Variants in MAP3K7CL observed in about 807,000 individuals in gnomAD.
MAP3K7CL encodes MAP3K7 C-terminal-like protein.
In MAP3K7CL, 16 loss-of-function variants were observed where a neutral mutation model predicts 18.6. The ratio of observed to expected loss-of-function variants is 0.86; its 90% CI spans 0.58 to 1.31. MAP3K7CL has a LOEUF of 1.31. MAP3K7CL is among the 50% of genes most tolerant of loss of function. MAP3K7CL has a pLI of 0.00. For synonymous variants in MAP3K7CL, 65 were observed against 66.8 expected, an observed-to-expected ratio of 0.97 and a Z score of 0.13; for missense variants, 163 against 174.4, an observed-to-expected ratio of 0.93 and a Z score of 0.37.
intron 4 of MAP3K7CL, among the ~76,000 whole-genome samples, chr21:29,107,095 A>T (rs1312926930): frequency 1.7e-4 from 26 of 152,128 alleles, no homozygotes; most frequent in Admixed American, 1.7e-3. Context: ...AGGCGGGTGG[A>T]TCATGAGGTC....
At chr21:29,122,550 G>T (rs2086612527) in intron 4 of MAP3K7CL, among the ~76,000 whole-genome samples, 1 of 152,194 alleles carries the variant, frequency 6.6e-6, no homozygotes, top group African/African-American at 2.4e-5. Flanking sequence ...CGGGAACGTG[G>T]TCTTCCCCTG....
chr21:29,157,366 A>G (rs564648787), intron 3 of MAP3K7CL, among the ~76,000 whole-genome samples: 1 of 152,204 alleles, frequency 6.6e-6, no homozygotes, highest in Non-Finnish European at 1.5e-5. Context: ...TACTTAAAAA[A>G]TAGAAATCTA....
intron 4 of MAP3K7CL, among the ~76,000 whole-genome samples, chr21:29,165,373 G>T (rs1356029332): frequency 6.6e-6 from 1 of 151,928 alleles, no homozygotes; most frequent in Non-Finnish European, 1.5e-5. Flanking sequence ...GGCACAGGTG[G>T]TGCTTGGTTA....
chr21:29,116,973 T>A (rs1398977938), intron 4 of MAP3K7CL, among the ~76,000 whole-genome samples: 1 of 152,210 alleles, frequency 6.6e-6, no homozygotes, highest in South Asian at 2.1e-4. Context: ...TTAGATTAAT[T>A]TGGCAACTGG....
chr21:29,147,218 T>C (rs1440876361), intron 2 of MAP3K7CL, among the ~76,000 whole-genome samples: 1 of 152,094 alleles, frequency 6.6e-6, no homozygotes, highest in Non-Finnish European at 1.5e-5. Flanking sequence ...TAAATGTATA[T>C]ATGTATAGGT....
chr21:29,092,375 C>T (rs2086043358), intron 3 of MAP3K7CL: 2 of 1,580,396 alleles, frequency 1.3e-6, no homozygotes, highest in Admixed American at 3.4e-5. Flanking sequence ...GAACTGACAT[C>T]AAAAGGTCTG....
intron 3 of MAP3K7CL, among the ~76,000 whole-genome samples, chr21:29,154,166 G>A (rs1442850240): frequency 3.3e-5 from 5 of 151,998 alleles, no homozygotes; most frequent in Admixed American, 6.6e-5. Flanking sequence ...AATTAAATAC[G>A]GTAATGAGTA....
At chr21:29,084,170 G>A (rs536655759), upstream of MAP3K7CL, among the ~76,000 whole-genome samples, 1 of 151,224 alleles carries the variant, frequency 6.6e-6, no homozygotes, top group African/African-American at 2.4e-5. Context: ...GAATAATTTT[G>A]TTTTTTACTT....
intron 4 of MAP3K7CL, among the ~76,000 whole-genome samples, chr21:29,116,046 T>C (rs1238814251): frequency 6.6e-6 from 1 of 152,242 alleles, no homozygotes; most frequent in South Asian, 2.1e-4. Context: ...ATGTATACTC[T>C]AGTGGTTTCT....
intron 4 of MAP3K7CL, among the ~76,000 whole-genome samples, chr21:29,162,277 A>G (rs1437738331): frequency 1.3e-5 from 2 of 151,294 alleles, no homozygotes; most frequent in Non-Finnish European, 2.9e-5. Flanking sequence ...AAGGTACTGG[A>G]GGACTTTGTT....
chr21:29,099,812 A>G (rs923611414), intron 4 of MAP3K7CL, among the ~76,000 whole-genome samples: 2 of 152,046 alleles, frequency 1.3e-5, no homozygotes, highest in Admixed American at 1.3e-4. Context: ...GGCCGGGCGC[A>G]GTGGCTCACG....
At chr21:29,092,115 A>G in intron 3 of MAP3K7CL, 1 of 372,472 alleles carries the variant, frequency 2.7e-6, no homozygotes. Flanking sequence ...GATGTTGGTA[A>G]AGGGTAGAAT....
chr21:29,095,395 T>C (rs1247041905), intron 4 of MAP3K7CL, among the ~76,000 whole-genome samples: 3 of 152,176 alleles, frequency 2.0e-5, no homozygotes, highest in Non-Finnish European at 4.4e-5. Flanking sequence ...TTGCCTGTTC[T>C]GCATGTCATC....
chr21:29,134,661 G>C (rs1886730900), intron 2 of MAP3K7CL, among the ~76,000 whole-genome samples: 1 of 152,188 alleles, frequency 6.6e-6, no homozygotes, highest in Non-Finnish European at 1.5e-5. Context: ...CCTCCCAACA[G>C]GCAAATCAAT....
intron 2 of MAP3K7CL, among the ~76,000 whole-genome samples, chr21:29,135,389 T>C (rs1398867032): frequency 2.0e-5 from 3 of 152,218 alleles, no homozygotes; most frequent in African/African-American, 7.2e-5. Context: ...TAATTTCCTT[T>C]CTTTTTTACT....
At chr21:29,157,618 C>T (rs1368086257) in intron 3 of MAP3K7CL, among the ~76,000 whole-genome samples, 1 of 152,100 alleles carries the variant, frequency 6.6e-6, no homozygotes. Flanking sequence ...GCTGAAAGCA[C>T]GTGTGGATAT....
At chr21:29,089,436 G>C (rs987414031) in intron 1 of MAP3K7CL, among the ~76,000 whole-genome samples, 1 of 152,116 alleles carries the variant, frequency 6.6e-6, no homozygotes. Flanking sequence ...GGGTTAATAC[G>C]TATTTGTGCC....
At chr21:29,138,172 A>AAT (rs1027549977) in intron 2 of MAP3K7CL, among the ~76,000 whole-genome samples, 5 of 152,112 alleles carry the variant, frequency 3.3e-5, no homozygotes, top group African/African-American at 4.8e-5. Context: ...GGAGAACACA[A>AAT]ATATATATAT....
At chr21:29,166,026 T>C (rs1308026537) in intron 4 of MAP3K7CL, among the ~76,000 whole-genome samples, 5 of 152,344 alleles carry the variant, frequency 3.3e-5, no homozygotes, top group East Asian at 3.9e-4. Context: ...TTCAAAATCC[T>C]CTCTTTTAGC....
Sources: allele counts gnomAD v4.1 joint callset (sites outside exome capture counted in the v4.1 genomes callset), GRCh38; gene constraint gnomAD v4.1.1; transcripts MANE v1.5; gene names NCBI Gene and HGNC (gene_info 2026-07-23, HGNC 2026-07-21).